GNAS: variants seen among roughly 807,000 people sequenced by gnomAD.
The protein encoded by GNAS is GNAS complex locus, also known as protein ALEX.
Under a neutral mutation model 54.5 loss-of-function variants are expected in GNAS, and 8 were observed. The ratio of observed to expected loss-of-function variants is 0.15; its 90% confidence interval spans 0.09 to 0.26. The LOEUF (loss-of-function observed/expected upper bound fraction) is 0.26, where lower values mean the gene tolerates loss of function less well. Ranked by LOEUF, GNAS falls within the 10% of genes least tolerant of loss-of-function variation. GNAS has a pLI of 1.00. For synonymous variants in GNAS, 204 were observed against 191.4 expected (o/e 1.07, Z -0.54); for missense variants, 170 against 529.8 (o/e 0.32, Z 6.67).
chr20:58,883,629 A>G (rs978695353), intron 1 of GNAS, among the ~76,000 whole-genome samples: 7 of 152,224 alleles, frequency 4.6e-5, no homozygotes, highest in Non-Finnish European at 1.0e-4. Context: ...GGCTCCTGAC[A>G]GGCCAGTGAG....
At chr20:58,874,291 C>T (rs1600830491) in intron 1 of GNAS, among the ~76,000 whole-genome samples, 1 of 152,214 alleles carries the variant, frequency 6.6e-6, no homozygotes, top group African/African-American at 2.4e-5. Flanking sequence ...AAGAGTGGTG[C>T]TGAGAACTGC....
At chr20:58,906,873 C>T (rs1203899996) in intron 6 of GNAS, among the ~76,000 whole-genome samples, 2 of 152,200 alleles carry the variant, frequency 1.3e-5, no homozygotes, top group African/African-American at 4.8e-5. Context: ...TGCAGAAATG[C>T]ACAAAGCAGT....
intron 1 of GNAS, among the ~76,000 whole-genome samples, chr20:58,893,317 G>A (rs991059619): frequency 2.0e-5 from 3 of 151,080 alleles, no homozygotes; most frequent in Non-Finnish European, 4.4e-5. Context: ...TTTTCTTAAG[G>A]TGCTGTTTTG....
At position 58,854,997 on chromosome 20, in the gene GNAS, G is replaced by C. The variant is rs753954316; in HGVS notation, c.43+14111G>C. On this transcript the variant is annotated intron_variant, in intron 1 of 12. Coordinates refer to the GNAS transcript ENST00000306090. ...GGCCAGCAGCGACGATGACTCCAGC[G>C]GAGACGAGTCCGACGATGGGACCTC... 5 of 1,612,494 alleles carry C rather than the reference G, an allele frequency of 3.1e-6. No individual in the cohort carries two copies. The African/African-American group carries it at 4.0e-5, about 13-fold the overall frequency.
At chr20:58,897,046 T>C (rs998657124) in intron 2 of GNAS, among the ~76,000 whole-genome samples, 3 of 152,352 alleles carry the variant, frequency 2.0e-5, no homozygotes, top group African/African-American at 7.2e-5. Flanking sequence ...ACATCACCCA[T>C]ACGAATAGTC....
At chr20:58,868,022 C>CTT (rs370255144) in intron 1 of GNAS, among the ~76,000 whole-genome samples, 2,091 of 132,552 alleles carry the variant, frequency 0.016, 79 homozygotes, top group African/African-American at 0.056. Context: ...TTCTTTCTTT[C>CTT]TTTTTTTTTT....
chr20:58,841,624 C>G lies in GNAS; in HGVS notation c.43+738C>G, dbSNP rs2085732288. 9.4e-7 allele frequency: 1 copy of G among 1,067,552 alleles called. No individual in the cohort carries two copies. The highest frequency in any genetic ancestry group is 1.1e-6 in the Non-Finnish European group (1 of 883,386). The allele number at this position is 1,067,552 out of a possible 1,614,324, so 66.1% of individuals were successfully genotyped here. A position where few individuals can be genotyped will look rare whatever the true frequency, so the allele number is the denominator to read the frequency against. Reference sequence around the variant, plus strand: ...AGCGTGCGCACCTGCCCGCGCGCGCCGGAGCTGACCTCTCCCGGCGGCGGG... The same window carrying G: ...AGCGTGCGCACCTGCCCGCGCGCGCGGGAGCTGACCTCTCCCGGCGGCGGG... On this transcript the variant is annotated intron_variant, in intron 1 of 12. Coordinates refer to the GNAS transcript ENST00000306090. This position sits in a 1 kb window ranked among gnomAD's most constrained non-coding sequence, Gnocchi z 5.0.
intron 1 of GNAS, among the ~76,000 whole-genome samples, chr20:58,894,430 T>C (rs1304583878): frequency 6.6e-6 from 1 of 152,252 alleles, no homozygotes; most frequent in Non-Finnish European, 1.5e-5. Context: ...AGATATTGAT[T>C]ACGGGCTTGT....
chr20:58,845,275 A>G (rs922004831), intron 1 of GNAS, among the ~76,000 whole-genome samples: 1 of 152,228 alleles, frequency 6.6e-6, no homozygotes, highest in African/African-American at 2.4e-5. Context: ...AAAAAATGGT[A>G]TAGAAGCTAC....
At chr20:58,872,264 A>T (rs1190027762) in intron 1 of GNAS, among the ~76,000 whole-genome samples, 3 of 152,238 alleles carry the variant, frequency 2.0e-5, no homozygotes, top group African/African-American at 4.8e-5. Context: ...TTCATGGAGC[A>T]CAAGTGTTTT....
intron 3 of GNAS, among the ~76,000 whole-genome samples, 181 bp downstream of exon 3, chr20:58,899,166 C>T (rs975550457): frequency 1.3e-5 from 2 of 152,094 alleles, no homozygotes; most frequent in African/African-American, 2.4e-5. Context: ...AAGTAAAGTG[C>T]GTAACATAAA....
At chr20:58,889,200 G>A, upstream of GNAS, 1 of 1,211,116 alleles carries the variant, frequency 8.3e-7, no homozygotes, top group Non-Finnish European at 1.1e-6. Flanking sequence ...GCACCGCGGA[G>A]CGGGCTGCGT....
chr20:58,854,402 A>T (rs2086336799), intron 1 of GNAS: 1 of 1,566,044 alleles, frequency 6.4e-7, no homozygotes, highest in African/African-American at 1.4e-5. Flanking sequence ...CGGGGTACGG[A>T]TCCCCTGCCG....
intron 1 of GNAS, among the ~76,000 whole-genome samples, chr20:58,847,464 A>T (rs1166710759): frequency 6.6e-6 from 1 of 152,240 alleles, no homozygotes; most frequent in Admixed American, 6.5e-5. Flanking sequence ...AATTAATTGT[A>T]CAGCTTCAAA....
At chr20:58,893,327 G>A (rs2089705752) in intron 1 of GNAS, among the ~76,000 whole-genome samples, 2 of 151,632 alleles carry the variant, frequency 1.3e-5, no homozygotes, top group East Asian at 1.9e-4. Context: ...GTGCTGTTTT[G>A]GGGGAAAAAA....
chr20:58,892,839 A>G (rs947956214), intron 1 of GNAS, among the ~76,000 whole-genome samples: 2 of 151,832 alleles, frequency 1.3e-5, no homozygotes, highest in Non-Finnish European at 2.9e-5. Context: ...GGCTTTTTCA[A>G]AAGCAGAGCG....
upstream of GNAS, chr20:58,840,649 C>T (rs745868121): frequency 6.2e-7 from 1 of 1,606,406 alleles, no homozygotes. This position sits in a 1 kb window ranked among gnomAD's most constrained non-coding sequence, Gnocchi z 6.0. Context: ...CGCCGCCCAG[C>T]ACTCAGGAGC....
rs373560226 is a variant in GNAS, at chr20:58,903,642, T to C, written c.313-30T>C. ...GTAGCGCCCTCCCAGCCAGTGCTGT[T>C]CCCTGACCGCTTTGCTAAATCATTT... On this transcript the variant is annotated intron_variant, in intron 4 of 12. Coordinates refer to ENST00000371085, the MANE Select transcript of GNAS (RefSeq NM_000516.7). The C allele has an allele frequency of 9.5e-5, 153 of 1,614,124 alleles. No homozygotes were observed. The African/African-American group carries it at 1.8e-3, about 19-fold the overall frequency.
chr20:58,900,334 C>G (rs2090492036), intron 3 of GNAS: 2 of 264,204 alleles, frequency 7.6e-6, no homozygotes, highest in East Asian at 5.8e-5. Context: ...GCCTGCACGT[C>G]TCTCTCACTC....
Sources: gnomAD v4.1 joint callset for allele counts (sites outside exome capture counted in the v4.1 genomes callset) on GRCh38, gnomAD v4.1.1 for gene constraint, Gnocchi (gnomAD v3.1) non-coding constraint, MANE v1.5 for transcripts, NCBI Gene and HGNC (gene_info 2026-07-23, HGNC 2026-07-21) for gene names.